Variants in LINGO2 observed in about 807,000 individuals in gnomAD.
LINGO2 encodes leucine rich repeat and Ig domain containing 2.
A neutral mutation model predicts 30.6 loss-of-function variants in LINGO2; 14 were observed. The ratio of observed to expected loss-of-function variants is 0.46; its 90% CI spans 0.30 to 0.72. The LOEUF (loss-of-function observed/expected upper bound fraction) is 0.72. LINGO2 is among the 30% of genes least tolerant of loss of function. LINGO2 has a pLI of 0.07. For synonymous variants in LINGO2, 317 were observed against 288.5 expected, an observed-to-expected ratio of 1.10 and a Z score of -1.00; for missense variants, 729 against 751.7, an observed-to-expected ratio of 0.97 and a Z score of 0.35.
the LINGO2 span, among the ~76,000 whole-genome samples, chr9:29,158,822 C>G: frequency 3.3e-5 from 5 of 152,056 alleles, no homozygotes; most frequent in African/African-American, 1.2e-4. Context: ...GGCAGGCAGA[C>G]AGAAACAAAG....
chr9:28,372,089 A>G (rs543946218), intron 3 of LINGO2, among the ~76,000 whole-genome samples: 14 of 152,206 alleles, frequency 9.2e-5, no homozygotes, highest in Non-Finnish European at 1.9e-4. Context: ...AATGATGGAT[A>G]GATGGATGGA....
chr9:28,630,576 A>G (rs933638849), intron 1 of LINGO2, among the ~76,000 whole-genome samples: 12 of 152,138 alleles, frequency 7.9e-5, no homozygotes. Context: ...ATTAGTATCT[A>G]TCAGACTAAC....
the LINGO2 span, among the ~76,000 whole-genome samples, chr9:29,185,229 C>T: frequency 1.3e-5 from 2 of 152,190 alleles, no homozygotes; most frequent in African/African-American, 4.8e-5. Flanking sequence ...GAGTACAGAA[C>T]ATGCTAGGCC....
the LINGO2 span, among the ~76,000 whole-genome samples, chr9:28,865,186 C>T: frequency 1.3e-5 from 2 of 152,012 alleles, no homozygotes; most frequent in African/African-American, 4.8e-5. Flanking sequence ...TATACTATAG[C>T]TGAAAAGGAA....
intron 2 of LINGO2, among the ~76,000 whole-genome samples, chr9:28,377,782 T>C (rs7865984): frequency 0.37 from 56,058 of 152,038 alleles, 10,644 homozygotes; most frequent in Middle Eastern, 0.53. Context: ...ACTTAAAAGA[T>C]TAGTTACGGA....
chr9:28,621,815 T>G (rs1015564800), intron 1 of LINGO2, among the ~76,000 whole-genome samples: 2 of 152,036 alleles, frequency 1.3e-5, no homozygotes, highest in African/African-American at 4.8e-5. Flanking sequence ...ATATTGTATA[T>G]ATATTAAGTG....
chr9:28,191,636 C>T (rs1026023289), intron 4 of LINGO2, among the ~76,000 whole-genome samples: 4 of 152,054 alleles, frequency 2.6e-5, no homozygotes, highest in African/African-American at 9.7e-5. Context: ...TGTACATGCT[C>T]AATGCCAGGA....
intron 2 of LINGO2, among the ~76,000 whole-genome samples, chr9:28,433,234 A>C (rs1403859837): frequency 6.6e-6 from 1 of 152,100 alleles, no homozygotes; most frequent in Non-Finnish European, 1.5e-5. Context: ...TAGGCTTCCT[A>C]AATTATAAAA....
chr9:28,317,752 C>G (rs1264527257), intron 3 of LINGO2, among the ~76,000 whole-genome samples: 1 of 152,118 alleles, frequency 6.6e-6, no homozygotes, highest in Admixed American at 6.5e-5. Context: ...TTAATTCATA[C>G]AGGGTACGAG....
chr9:28,113,289 T>G (rs1166306323), intron 4 of LINGO2, among the ~76,000 whole-genome samples: 2 of 77,158 alleles, frequency 2.6e-5, no homozygotes, highest in Non-Finnish European at 2.4e-5. Flanking sequence ...TTGGTACCAG[T>G]ACCATGCTGT....
intron 4 of LINGO2, among the ~76,000 whole-genome samples, chr9:28,213,689 A>G (rs1441385653): frequency 6.6e-6 from 1 of 151,448 alleles, no homozygotes; most frequent in African/African-American, 2.4e-5. Flanking sequence ...CACTTATGAA[A>G]TACTTAATAA....
upstream of LINGO2, among the ~76,000 whole-genome samples, chr9:28,672,079 A>C (rs1351929308): frequency 2.6e-5 from 4 of 152,144 alleles, no homozygotes; most frequent in Non-Finnish European, 5.9e-5. Flanking sequence ...TAGAGTGAAT[A>C]ACATGTCCTA....
At chr9:28,080,316 T>C (rs1338501260) in intron 4 of LINGO2, among the ~76,000 whole-genome samples, 1 of 152,180 alleles carries the variant, frequency 6.6e-6, no homozygotes, top group Non-Finnish European at 1.5e-5. Flanking sequence ...GGTGGAGTTT[T>C]TCCAGCTTCT....
intron 1 of LINGO2, among the ~76,000 whole-genome samples, chr9:28,565,648 T>G (rs1406058620): frequency 2.0e-5 from 3 of 150,710 alleles, no homozygotes; most frequent in Non-Finnish European, 4.4e-5. Context: ...GCCTTCCGGG[T>G]TCATGCCATT....
chr9:28,505,823 G>A (rs1473370323), intron 1 of LINGO2, among the ~76,000 whole-genome samples: 4 of 151,662 alleles, frequency 2.6e-5, no homozygotes, highest in Non-Finnish European at 4.4e-5. Context: ...ATTCATTCTT[G>A]CATTAGGTTT....
intron 4 of LINGO2, among the ~76,000 whole-genome samples, chr9:28,091,518 A>G (rs944894665): frequency 6.6e-6 from 1 of 152,206 alleles, no homozygotes; most frequent in East Asian, 1.9e-4. Flanking sequence ...CTGAAACTGG[A>G]TCCCTTCCTT....
chr9:28,024,765 A>G (rs1269712864), intron 4 of LINGO2, among the ~76,000 whole-genome samples: 1 of 152,160 alleles, frequency 6.6e-6, no homozygotes, highest in African/African-American at 2.4e-5. Flanking sequence ...GGTGAATGTG[A>G]ACTTGAGTTC....
intron 3 of LINGO2, among the ~76,000 whole-genome samples, chr9:28,368,818 G>A (rs1820786801): frequency 6.6e-6 from 1 of 151,814 alleles, no homozygotes; most frequent in African/African-American, 2.4e-5. Flanking sequence ...GGATGGTCTC[G>A]ATCTCCTGAC....
At chr9:28,004,993 A>T (rs1208293284) in intron 5 of LINGO2, among the ~76,000 whole-genome samples, 1 of 152,336 alleles carries the variant, frequency 6.6e-6, no homozygotes, top group African/African-American at 2.4e-5. Flanking sequence ...TCTTAGACAT[A>T]TGCAGCGAGG....
Sources: gnomAD v4.1 joint callset for allele counts (sites outside exome capture counted in the v4.1 genomes callset) on GRCh38, gnomAD v4.1.1 for gene constraint, MANE v1.5 for transcripts, NCBI Gene and HGNC (gene_info 2026-07-23, HGNC 2026-07-21) for gene names.